The following B4GALT5 variants were observed in gnomAD, a reference collection of about 807,000 sequenced individuals.
The protein encoded by B4GALT5 is beta-1,4-galactosyltransferase 5.
In B4GALT5, 11 loss-of-function variants were observed where a neutral mutation model predicts 45.0. The ratio of observed to expected loss-of-function variants is 0.24; its 90% CI spans 0.15 to 0.40. B4GALT5 has a LOEUF of 0.40. Among genes scored for constraint, B4GALT5 ranks in the 10% least tolerant of loss-of-function variants. B4GALT5 has a pLI of 1.00. For synonymous variants in B4GALT5, 185 were observed against 182.9 expected (o/e 1.01, Z -0.09); for missense variants, 337 against 500.2 (o/e 0.67, Z 3.11).
intron 8 of B4GALT5, 94 bp from the exon 9 acceptor site, chr20:49,636,553 C>T (rs1209553447): frequency 1.3e-5 from 19 of 1,415,040 alleles, no homozygotes; most frequent in East Asian, 9.3e-5. Flanking sequence ...CAGCAGAGGA[C>T]GCAACCCATG....
At chr20:49,664,164 T>A (rs1395988193) in intron 1 of B4GALT5, among the ~76,000 whole-genome samples, 1 of 152,092 alleles carries the variant, frequency 6.6e-6, no homozygotes, top group Non-Finnish European at 1.5e-5. Context: ...ATGTAAGATA[T>A]TTACTTCCTA....
intron 1 of B4GALT5, among the ~76,000 whole-genome samples, chr20:49,701,273 C>A (rs890224163): frequency 3.3e-5 from 5 of 152,102 alleles, no homozygotes; most frequent in Non-Finnish European, 5.9e-5. Context: ...AAGTACCCAC[C>A]CCTGCCTTTA....
At position 49,640,565 on chromosome 20, in the gene B4GALT5, T is replaced by G; in HGVS notation, c.707A>C (p.Asp236Ala). The G allele has an allele frequency of 1.2e-6, 2 of 1,614,046 alleles. No homozygotes were observed. The highest frequency in any genetic ancestry group is 1.7e-6 in the Non-Finnish European group (2 of 1,180,004). Residue 236 changes from aspartate (D) to alanine (A), a missense_variant, in exon 6 of 9, where the codon GAT becomes GCT. Around this residue, in one of 2 missense-constraint regions of B4GALT5, gnomAD observed 163 missense variants for 292.8 expected, o/e 0.56. Coordinates refer to ENST00000371711, the MANE Select transcript of B4GALT5 (RefSeq NM_004776.4). Reference protein sequence around the residue: ...DWDCLIFHDVDHIPESDRNYY... With the variant: ...DWDCLIFHDVAHIPESDRNYY... ...GTTGCGATCACTTTCCGGTATGTGA[T>G]CTACATCATGAAAAATCAAACAGTC... is the stretch of plus-strand genomic sequence containing the variant.
intron 1 of B4GALT5, among the ~76,000 whole-genome samples, chr20:49,682,485 G>T (rs1274236656): frequency 6.6e-6 from 1 of 152,130 alleles, no homozygotes; most frequent in Non-Finnish European, 1.5e-5. Flanking sequence ...CTGTCCTGAA[G>T]ATACCCATGC....
chr20:49,674,862 A>ACT (rs766797881), intron 1 of B4GALT5, among the ~76,000 whole-genome samples: 2 of 152,176 alleles, frequency 1.3e-5, no homozygotes, highest in Non-Finnish European at 2.9e-5. Context: ...ATGACTCAGA[A>ACT]AAGTCCATAA....
chr20:49,693,126 T>C (rs945327782), intron 1 of B4GALT5, among the ~76,000 whole-genome samples: 6 of 152,236 alleles, frequency 3.9e-5, no homozygotes, highest in African/African-American at 1.4e-4. Flanking sequence ...GTACACTCCA[T>C]GATGTTGCCA....
At chr20:49,676,643 T>C (rs976966405) in intron 1 of B4GALT5, among the ~76,000 whole-genome samples, 1 of 152,336 alleles carries the variant, frequency 6.6e-6, no homozygotes. Flanking sequence ...GCAGGGGCTA[T>C]GAAGGCCCCA....
chr20:49,705,018 T>C (rs1488320003), intron 1 of B4GALT5, among the ~76,000 whole-genome samples: 1 of 150,996 alleles, frequency 6.6e-6, no homozygotes, highest in Non-Finnish European at 1.5e-5. Context: ...AAAGAGGAAG[T>C]AGAGAAGGGG....
intron 1 of B4GALT5, among the ~76,000 whole-genome samples, chr20:49,663,280 T>C (rs186402595): frequency 3.3e-5 from 5 of 152,320 alleles, no homozygotes; most frequent in African/African-American, 1.2e-4. Flanking sequence ...ATTCATTTTC[T>C]AAACATTCAC....
At chr20:49,644,296 G>A (rs1014778224) in intron 3 of B4GALT5, among the ~76,000 whole-genome samples, 5 of 152,028 alleles carry the variant, frequency 3.3e-5, no homozygotes, top group African/African-American at 1.2e-4. Context: ...ATGTTGCCCA[G>A]GTTGGTCTTG....
rs118032744 is a variant in B4GALT5, at chr20:49,701,064, C to T, written c.115+12512G>A. Among the ~76,000 whole-genome samples the T allele has an allele frequency of 2.7e-3, 405 of 152,286 alleles. 2 individuals are homozygous for T. The highest frequency in any genetic ancestry group is 4.4e-3 in the Non-Finnish European group (299 of 68,016). The stretch of plus-strand genomic sequence containing the variant: ...AAAATTTACTAAAGTGAAGCATGCT[C>T]CTTAGAAGACTTAAAAAATAACAGT... On this transcript the variant is annotated intron_variant, in intron 1 of 8. Transcript: ENST00000371711.
At chr20:49,692,751 C>T (rs149400141) in intron 1 of B4GALT5, among the ~76,000 whole-genome samples, 9 of 152,248 alleles carry the variant, frequency 5.9e-5, no homozygotes, top group African/African-American at 1.2e-4. Context: ...CTACATTTAA[C>T]GTTTTTAGTT....
chr20:49,657,220 T>C (rs114655503), intron 1 of B4GALT5, among the ~76,000 whole-genome samples: 1 of 152,118 alleles, frequency 6.6e-6, no homozygotes, highest in African/African-American at 2.4e-5. Flanking sequence ...CTCCAATCAC[T>C]TACCCTTGGG....
At chr20:49,688,646 A>G (rs1383951935) in intron 1 of B4GALT5, among the ~76,000 whole-genome samples, 2 of 152,198 alleles carry the variant, frequency 1.3e-5, no homozygotes, top group African/African-American at 4.8e-5. Flanking sequence ...ATAGGACAAA[A>G]TGAGTGTCAA....
intron 1 of B4GALT5, among the ~76,000 whole-genome samples, chr20:49,669,614 T>C (rs900923439): frequency 1.3e-5 from 2 of 150,748 alleles, no homozygotes; most frequent in Non-Finnish European, 2.9e-5. Context: ...GAGAATCACT[T>C]GAACCTGGGA....
chr20:49,665,307 G>T (rs1302751375), intron 1 of B4GALT5, among the ~76,000 whole-genome samples: 3 of 150,674 alleles, frequency 2.0e-5, no homozygotes, highest in Non-Finnish European at 4.4e-5. Context: ...CAAGCTACTT[G>T]GGAGGCCAAG....
chr20:49,692,388 G>T (rs901214886), intron 1 of B4GALT5, among the ~76,000 whole-genome samples: 1 of 151,866 alleles, frequency 6.6e-6, no homozygotes, highest in African/African-American at 2.4e-5. Context: ...GATCACCTGA[G>T]CCCAGGAAGT....
At chr20:49,710,456 A>C (rs1023744889) in intron 1 of B4GALT5, among the ~76,000 whole-genome samples, 1 of 131,268 alleles carries the variant, frequency 7.6e-6, no homozygotes, top group Non-Finnish European at 1.6e-5. Flanking sequence ...GTCTCACTCT[A>C]TCACCCAGGC....
At chr20:49,657,409 T>A (rs977546536) in intron 1 of B4GALT5, among the ~76,000 whole-genome samples, 2 of 152,190 alleles carry the variant, frequency 1.3e-5, no homozygotes, top group Non-Finnish European at 2.9e-5. Context: ...GAAAGTGATC[T>A]CCACTTGCAT....
Sources: allele counts gnomAD v4.1 joint callset (sites outside exome capture counted in the v4.1 genomes callset), GRCh38; gene constraint gnomAD v4.1.1; regional missense constraint gnomAD v4.1.1; transcripts MANE v1.5; gene names NCBI Gene and HGNC (gene_info 2026-07-23, HGNC 2026-07-21).